Variants in PCDHGA9 observed in about 807,000 individuals in gnomAD.
PCDHGA9 encodes protocadherin gamma subfamily A, 9.
A neutral mutation model predicts 62.5 loss-of-function variants in PCDHGA9; 37 were observed. The ratio of observed to expected loss-of-function variants is 0.59; its 90% CI spans 0.46 to 0.78. The LOEUF (loss-of-function observed/expected upper bound fraction) is 0.78, where lower values mean the gene tolerates loss of function less well. Among genes scored for constraint, PCDHGA9 ranks in the 30% least tolerant of loss-of-function variants. The pLI, the probability that PCDHGA9 is intolerant of heterozygous loss-of-function variation, is 0.00. For synonymous variants in PCDHGA9, 459 were observed against 484.6 expected (o/e 0.95, Z 0.69); for missense variants, 1,138 against 1,166.2 (o/e 0.98, Z 0.35).
At chr5:141,422,110 T>A in intron 1 of PCDHGA9, 1 of 1,606,626 alleles carries the variant, frequency 6.2e-7, no homozygotes, top group South Asian at 1.1e-5. Flanking sequence ...AATATTCCAA[T>A]TGGATTCACA....
chr5:141,423,647 C>T (rs775169904), intron 1 of PCDHGA9: 3 of 1,589,144 alleles, frequency 1.9e-6, no homozygotes, highest in Non-Finnish European at 2.6e-6. Flanking sequence ...AAATGTGACC[C>T]GACAAGTAAT....
chr5:141,491,869 G>C lies in PCDHGA9; in HGVS notation c.2425-2938G>C. On this transcript the variant is annotated intron_variant, in intron 1 of 3. Transcript: ENST00000573521. This position sits in a 1 kb window ranked among gnomAD's most constrained non-coding sequence, Gnocchi z 6.9. ...GGACCGTTTGCGCGAAACCAGAGTG[G>C]CCGATTAAGGGATGGGGCTCCGAGC... The C allele has an allele frequency of 6.9e-7, 1 of 1,453,094 alleles. No homozygotes were observed. Among genetic ancestry groups the C allele is most frequent in the South Asian group, 1.5e-5 (1 of 68,080 alleles). 90.0% of individuals were successfully genotyped at this position (1,453,094 alleles called of 1,614,324 possible).
At chr5:141,413,198 C>T in intron 1 of PCDHGA9, 5 of 1,611,416 alleles carry the variant, frequency 3.1e-6, no homozygotes, top group Non-Finnish European at 2.5e-6. Flanking sequence ...AGGAATCGCT[C>T]AAAGGAATCA....
chr5:141,500,571 C>T (rs1171231755), intron 2 of PCDHGA9, among the ~76,000 whole-genome samples: 1 of 152,196 alleles, frequency 6.6e-6, no homozygotes, highest in African/African-American at 2.4e-5. Context: ...GTCACACTTT[C>T]ATGTGACACT....
chr5:141,500,232 G>A (rs1024752888), intron 2 of PCDHGA9, among the ~76,000 whole-genome samples: 1 of 137,690 alleles, frequency 7.3e-6, no homozygotes, highest in South Asian at 2.3e-4. Flanking sequence ...TTATTGATAC[G>A]TAGCCTTGCT....
Position 141,403,482 on chromosome 5 carries a change from A to C in PCDHGA9, c.530A>C (p.His177Pro), listed in dbSNP as rs764737675. The C allele has an allele frequency of 1.2e-6, 2 of 1,613,892 alleles. No individual in the cohort carries two copies. The highest frequency in any genetic ancestry group is 1.7e-6 in the Non-Finnish European group (2 of 1,179,874). ...LQSYQLSPNH[H>P]FSLNVQTGDN... is the part of the protein sequence containing the mutation. The stretch of plus-strand genomic sequence containing the variant: ...AGCTACCAGCTCAGCCCCAATCACC[A>C]CTTCTCCCTGAACGTGCAGACTGGA... Residue 177 changes from histidine to proline, a missense_variant, in exon 1 of 4, where the codon CAC becomes CCC. By Grantham distance (77) the His-to-Pro change is moderately conservative. Coordinates refer to ENST00000573521, the MANE Select transcript of PCDHGA9 (RefSeq NM_018921.3).
intron 1 of PCDHGA9, chr5:141,423,251 A>T: frequency 6.2e-7 from 1 of 1,613,844 alleles, no homozygotes; most frequent in East Asian, 2.2e-5. Context: ...GTCCTGGCGG[A>T]CCTCGGCAGC....
chr5:141,415,579 A>G, intron 1 of PCDHGA9: 1 of 1,614,072 alleles, frequency 6.2e-7, no homozygotes, highest in East Asian at 2.2e-5. Flanking sequence ...AGATGATTCG[A>G]AGTTTCCTAT....
At chr5:141,461,602 A>G (rs971808608) in intron 1 of PCDHGA9, among the ~76,000 whole-genome samples, 2 of 152,172 alleles carry the variant, frequency 1.3e-5, no homozygotes, top group African/African-American at 4.8e-5. Flanking sequence ...ATTATAATTT[A>G]GTTCAAAGTA....
Position 141,490,142 on chromosome 5 carries a change from C to A in PCDHGA9, c.2425-4665C>A. On this transcript the variant is annotated intron_variant, in intron 1 of 3. Coordinates refer to ENST00000573521, the MANE Select transcript of PCDHGA9 (RefSeq NM_018921.3). This position sits in a 1 kb window ranked among gnomAD's most constrained non-coding sequence, Gnocchi z 5.4. The stretch of plus-strand genomic sequence containing the variant: ...TTTGGCCTAGACCCTAGCAGTGGGG[C>A]AATCCATGTGTTGGGTCCCATAGAC... The A allele has an allele frequency of 1.9e-6, 3 of 1,614,220 alleles. No individual in the cohort carries two copies. The highest frequency in any genetic ancestry group is 2.7e-5 in the African/African-American group (2 of 75,060).
chr5:141,486,017 A>C lies in PCDHGA9; in HGVS notation c.2425-8790A>C, dbSNP rs746747518. 1 of 1,614,176 alleles carries C rather than the reference A, an allele frequency of 6.2e-7. No homozygotes were observed. The highest frequency in any genetic ancestry group is 8.5e-7 in the Non-Finnish European group (1 of 1,180,038). ...CAGTGGTAACGTCACCTTTTATTTC[A>C]GTGGTCATACCCCTGATCGTGTAAG... On this transcript the variant is annotated intron_variant, in intron 1 of 3. Coordinates refer to ENST00000573521, the MANE Select transcript of PCDHGA9 (RefSeq NM_018921.3). This position sits in a 1 kb window ranked among gnomAD's most constrained non-coding sequence, Gnocchi z 5.0.
At chr5:141,428,187 C>G in intron 1 of PCDHGA9, 3 of 1,439,502 alleles carry the variant, frequency 2.1e-6, no homozygotes, top group South Asian at 1.2e-5. Flanking sequence ...GGACAGCCGC[C>G]GCTCTCTGCG....
At chr5:141,413,606 T>C (rs756987695) in intron 1 of PCDHGA9, 1 of 1,613,848 alleles carries the variant, frequency 6.2e-7, no homozygotes, top group Admixed American at 1.7e-5. Context: ...AATCTAGACG[T>C]AAAAATTAAT....
chr5:141,417,528 A>G, intron 1 of PCDHGA9: 1 of 277,368 alleles, frequency 3.6e-6, no homozygotes, highest in Non-Finnish European at 6.7e-6. Context: ...GTCAACTCGT[A>G]GTTTAAAAAA....
intron 1 of PCDHGA9, among the ~76,000 whole-genome samples, chr5:141,451,062 T>C (rs1292296274): frequency 1.3e-5 from 2 of 151,500 alleles, no homozygotes; most frequent in Non-Finnish European, 2.9e-5. Flanking sequence ...ACTCCTGACC[T>C]TGTGATCCAC....
At chr5:141,408,967 G>GC in intron 1 of PCDHGA9, 2 of 1,613,782 alleles carry the variant, frequency 1.2e-6, no homozygotes, top group Non-Finnish European at 1.7e-6. Context: ...GTGAAAATCT[G>GC]CCCCCTGGGT....
intron 1 of PCDHGA9, among the ~76,000 whole-genome samples, chr5:141,464,426 GAT>G (rs1287556960): frequency 6.6e-6 from 1 of 151,096 alleles, no homozygotes; most frequent in African/African-American, 2.4e-5. Context: ...TATATATATA[GAT>G]ATATATGTTT....
chr5:141,408,801 T>C, intron 1 of PCDHGA9: 1 of 1,613,142 alleles, frequency 6.2e-7, no homozygotes, highest in Admixed American at 1.7e-5. Context: ...GAGAAACTCC[T>C]AGACCGGGAA....
chr5:141,427,742 C>T, intron 1 of PCDHGA9: 2 of 1,247,208 alleles, frequency 1.6e-6, no homozygotes, highest in Non-Finnish European at 2.3e-6. Context: ...GCCAAGTCTC[C>T]TACTCCATCG....
Sources: allele counts gnomAD v4.1 joint callset (sites outside exome capture counted in the v4.1 genomes callset), GRCh38; gene constraint gnomAD v4.1.1; non-coding constraint Gnocchi (gnomAD v3.1); transcripts MANE v1.5; gene names NCBI Gene and HGNC (gene_info 2026-07-23, HGNC 2026-07-21).